Variants in EXOSC7 observed in about 807,000 individuals in gnomAD.
The protein encoded by EXOSC7 is exosome component 7, also known as exosome complex component RRP42.
A neutral mutation model predicts 34.3 loss-of-function variants in EXOSC7; 25 were observed. The ratio of observed to expected loss-of-function variants is 0.73; its 90% CI spans 0.53 to 1.02. The LOEUF (loss-of-function observed/expected upper bound fraction) is 1.02. Ranked by LOEUF, EXOSC7 falls within the 50% of genes least tolerant of loss-of-function variation. EXOSC7 has a pLI of 0.00. For synonymous variants in EXOSC7, 130 were observed against 143.0 expected, an observed-to-expected ratio of 0.91 and a Z score of 0.65; for missense variants, 370 against 368.5, an observed-to-expected ratio of 1.00 and a Z score of -0.03.
chr3:44,979,365 G>A (rs1286555720), intron 1 of EXOSC7, among the ~76,000 whole-genome samples: 3 of 152,190 alleles, frequency 2.0e-5, no homozygotes, highest in East Asian at 1.9e-4. Flanking sequence ...GTCCAGTAAC[G>A]TCCATTTCAG....
intron 7 of EXOSC7, among the ~76,000 whole-genome samples, chr3:45,010,601 C>T (rs183717869): frequency 1.3e-5 from 2 of 152,136 alleles, no homozygotes; most frequent in South Asian, 2.1e-4. Flanking sequence ...TTTTACCTCT[C>T]GTGTCTGCTC....
intron 1 of EXOSC7, 28 bp downstream of exon 1, chr3:44,976,362 C>A (rs753802102): frequency 6.4e-7 from 1 of 1,551,232 alleles, no homozygotes; most frequent in South Asian, 1.2e-5. Flanking sequence ...GTTGGGTCGG[C>A]CGCCGGGTTC....
chr3:45,004,092 G>C (rs1002938598), intron 5 of EXOSC7: 2 of 152,170 alleles, frequency 1.3e-5, no homozygotes, highest in Non-Finnish European at 2.9e-5. Context: ...CATGTCTTTG[G>C]TGCACATATT....
At chr3:45,000,883 A>C (rs1364278195) in intron 4 of EXOSC7, among the ~76,000 whole-genome samples, 1 of 152,164 alleles carries the variant, frequency 6.6e-6, no homozygotes, top group East Asian at 1.9e-4. Flanking sequence ...AACTGCCTGA[A>C]GTGCCTGTGA....
chr3:45,002,285 A>C (rs907855499), intron 5 of EXOSC7: 8 of 152,148 alleles, frequency 5.3e-5, no homozygotes, highest in Admixed American at 3.9e-4. Context: ...CCTATGAGAG[A>C]GCCTACATTA....
intron 4 of EXOSC7, 117 bp downstream of exon 4, chr3:44,997,369 G>T: frequency 2.4e-6 from 2 of 838,108 alleles, no homozygotes; most frequent in East Asian, 2.6e-5. Flanking sequence ...TTATAGGGTG[G>T]GATTAGTTGG....
chr3:44,989,221 G>A lies in EXOSC7; in HGVS notation c.139G>A (p.Gly47Arg), dbSNP rs1193020031. Reference protein sequence around the residue: ...VETDVVSNTSGSARVKLGHTD... With the variant: ...VETDVVSNTSRSARVKLGHTD... ...AACTGATGTGGTGTCCAACACTAGT[G>A]GGTCCGCCAGGGTCAAGCTGGTGAG... Residue 47 changes from glycine to arginine, a missense_variant, in exon 2 of 8, where the codon GGG becomes AGG. By Grantham distance (125) the Gly-to-Arg change is moderately radical. This residue lies in a region of EXOSC7 where 95 missense variants were observed against 79.8 expected (regional missense o/e 1.19). Transcript: ENST00000265564. 1 of 1,613,702 alleles carries A rather than the reference G, an allele frequency of 6.2e-7. No homozygotes were observed. Among genetic ancestry groups the A allele is most frequent in the Admixed American group, 1.7e-5 (1 of 60,016 alleles).
intron 3 of EXOSC7, among the ~76,000 whole-genome samples, chr3:44,996,658 G>C (rs943723329): frequency 1.3e-5 from 2 of 152,204 alleles, no homozygotes; most frequent in Non-Finnish European, 2.9e-5. Flanking sequence ...TGTGAAACTA[G>C]AGGTGGTGTA....
In EXOSC7 at chr3:44,981,931, C is replaced by T. The variant is rs529387778; in HGVS notation, c.57+5597C>T. On this transcript the variant is annotated intron_variant, in intron 1 of 7. Transcript: ENST00000265564. The stretch of plus-strand genomic sequence containing the variant: ...AGAGAAGGGGGATCTGTGGCAAGAG[C>T]TGGAAAGTCCCCAGACAGCTCTGAG... 5.3e-4 allele frequency among the ~76,000 whole-genome samples: 80 copies of T among 152,128 alleles called. 1 individual carries two copies. Among genetic ancestry groups the T allele is most frequent in the Non-Finnish European group, 2.4e-4 (16 of 68,010 alleles).
intron 1 of EXOSC7, among the ~76,000 whole-genome samples, chr3:44,979,029 A>G (rs1464249141): frequency 6.6e-6 from 1 of 152,214 alleles, no homozygotes; most frequent in Non-Finnish European, 1.5e-5. Context: ...ATTTGGGCAC[A>G]GTTGTTGGTA....
intron 4 of EXOSC7, among the ~76,000 whole-genome samples, chr3:44,999,795 T>C (rs758292900): frequency 2.0e-5 from 3 of 152,250 alleles, no homozygotes; most frequent in Non-Finnish European, 4.4e-5. Flanking sequence ...GGCATTCACA[T>C]AGTTTTCATC....
At chr3:45,007,684 A>C in intron 7 of EXOSC7, 109 bp downstream of exon 7, 1 of 1,248,500 alleles carries the variant, frequency 8.0e-7, no homozygotes, top group South Asian at 1.6e-5. Flanking sequence ...CCTTGACCCC[A>C]AACTTGGAGA....
At chr3:45,003,283 C>T (rs747587624) in intron 5 of EXOSC7, among the ~76,000 whole-genome samples, 11 of 152,076 alleles carry the variant, frequency 7.2e-5, no homozygotes, top group Non-Finnish European at 1.3e-4. Flanking sequence ...AGCCCTTCTG[C>T]CCAGGCTTGT....
intron 5 of EXOSC7, 87 bp downstream of exon 5, chr3:45,001,695 G>A: frequency 1.1e-6 from 1 of 936,038 alleles, no homozygotes. Flanking sequence ...TTCTATTGTA[G>A]CTCATATGTG....
rs941845719 is a variant in EXOSC7, at chr3:45,007,454, A to G, written c.650A>G (p.Gln217Arg). The change falls in exon 7 of 8, where the codon CAG (glutamine) becomes CGG (arginine). Residue 217 changes from glutamine to arginine, a missense_variant. Transcript: ENST00000265564. ...GYRHVVDATL[Q>R]EEACSLASLL... ...CGGCATGTGGTGGATGCTACTCTTCAGGAGGAGGCCTGCTCGCTGGCCAGC... is the reference window on the plus strand; with the variant it reads ...CGGCATGTGGTGGATGCTACTCTTCGGGAGGAGGCCTGCTCGCTGGCCAGC... 1.9e-6 allele frequency: 3 copies of G among 1,614,042 alleles called. No homozygotes were observed. The highest frequency in any genetic ancestry group is 2.7e-5 in the African/African-American group (2 of 74,920).
At chr3:44,986,881 C>T (rs1706433878) in intron 1 of EXOSC7, among the ~76,000 whole-genome samples, 1 of 152,096 alleles carries the variant, frequency 6.6e-6, no homozygotes, top group Non-Finnish European at 1.5e-5. Flanking sequence ...GTTAGCCAGG[C>T]AGTTTAAAGA....
At chr3:45,000,808 G>A (rs572896706) in intron 4 of EXOSC7, among the ~76,000 whole-genome samples, 3 of 152,260 alleles carry the variant, frequency 2.0e-5, no homozygotes, top group Non-Finnish European at 4.4e-5. Flanking sequence ...AGTAACACTT[G>A]GAGTACAATT....
intron 7 of EXOSC7, among the ~76,000 whole-genome samples, 197 bp from the exon 8 acceptor site, chr3:45,011,038 C>A (rs1030840348): frequency 6.6e-6 from 1 of 152,026 alleles, no homozygotes; most frequent in Non-Finnish European, 1.5e-5. Context: ...TTTGATATGA[C>A]GATTTTTACA....
chr3:44,996,131 G>A (rs759373155), intron 3 of EXOSC7, among the ~76,000 whole-genome samples: 1 of 152,122 alleles, frequency 6.6e-6, no homozygotes, highest in Non-Finnish European at 1.5e-5. Context: ...TGCAGGGCTG[G>A]GTGCCTTCCA....
Sources: allele counts gnomAD v4.1 joint callset (sites outside exome capture counted in the v4.1 genomes callset), GRCh38; gene constraint gnomAD v4.1.1; regional missense constraint gnomAD v4.1.1; transcripts MANE v1.5; gene names NCBI Gene and HGNC (gene_info 2026-07-23, HGNC 2026-07-21).